The following TAFA5 variants were observed in gnomAD, a reference collection of about 807,000 sequenced individuals.
TAFA5 encodes TAFA chemokine like family member 5.
A neutral mutation model predicts 15.3 loss-of-function variants in TAFA5; 6 were observed. That is an observed-to-expected ratio of 0.39 (90% confidence interval 0.21 to 0.77). TAFA5 has a LOEUF of 0.77. Ranked by LOEUF, TAFA5 falls within the 30% of genes least tolerant of loss-of-function variation. The pLI, the probability that TAFA5 is intolerant of heterozygous loss-of-function variation, is 0.41. For missense variants in TAFA5, 161 were observed against 193.1 expected (o/e 0.83, Z 0.98); for synonymous variants, 103 against 80.7 (o/e 1.28, Z -1.48).
chr22:48,586,232 T>C (rs1396987711), intron 1 of TAFA5, among the ~76,000 whole-genome samples: 1 of 152,234 alleles, frequency 6.6e-6, no homozygotes, highest in Non-Finnish European at 1.5e-5. Flanking sequence ...GTGGCTCTCT[T>C]CTCTCTATGA....
chr22:48,592,252 C>T (rs1924596338), intron 1 of TAFA5, among the ~76,000 whole-genome samples: 1 of 152,212 alleles, frequency 6.6e-6, no homozygotes, highest in South Asian at 2.1e-4. Context: ...GTCCCCAACA[C>T]TGTACAGTGG....
intron 1 of TAFA5, among the ~76,000 whole-genome samples, chr22:48,562,385 G>C (rs898675247): frequency 1.3e-5 from 2 of 152,166 alleles, no homozygotes; most frequent in African/African-American, 4.8e-5. Context: ...CGATCTGCCT[G>C]CCTCGGCCTC....
intron 2 of TAFA5, among the ~76,000 whole-genome samples, chr22:48,705,752 G>A (rs1334365479): frequency 6.6e-6 from 1 of 152,248 alleles, no homozygotes; most frequent in Admixed American, 6.5e-5. Context: ...AAGCCAGCCC[G>A]CTGCCCGTCT....
chr22:48,521,950 G>C (rs1016983760), intron 1 of TAFA5, among the ~76,000 whole-genome samples: 1 of 152,164 alleles, frequency 6.6e-6, no homozygotes, highest in Admixed American at 6.5e-5. Context: ...GGGCTTAGAC[G>C]ACAAGGAGGA....
At chr22:48,590,185 C>T (rs1428750024) in intron 1 of TAFA5, among the ~76,000 whole-genome samples, 4 of 152,046 alleles carry the variant, frequency 2.6e-5, no homozygotes, top group South Asian at 2.1e-4. Context: ...GCCACGGAGG[C>T]GAGGGCCCTT....
chr22:48,567,270 C>T (rs1923438355), intron 1 of TAFA5, among the ~76,000 whole-genome samples: 1 of 152,240 alleles, frequency 6.6e-6, no homozygotes, highest in Non-Finnish European at 1.5e-5. Flanking sequence ...CCCGCCTGGC[C>T]TCCGGAAGGC....
chr22:48,584,774 TCA>T (rs1341316442), intron 1 of TAFA5, among the ~76,000 whole-genome samples: 9 of 135,028 alleles, frequency 6.7e-5, no homozygotes, highest in Admixed American at 3.7e-4. Context: ...ACCACACACA[TCA>T]CACACGCTAC....
At chr22:48,700,488 G>T (rs1204667600) in intron 2 of TAFA5, among the ~76,000 whole-genome samples, 1 of 152,152 alleles carries the variant, frequency 6.6e-6, no homozygotes, top group Non-Finnish European at 1.5e-5. Flanking sequence ...GCAGCCCTTT[G>T]ACCAAAGCCA....
intron 2 of TAFA5, among the ~76,000 whole-genome samples, chr22:48,693,703 C>G (rs954344897): frequency 6.6e-6 from 1 of 152,144 alleles, no homozygotes; most frequent in Non-Finnish European, 1.5e-5. Flanking sequence ...AGGCCTCATT[C>G]CTACTCTCTC....
At position 48,646,569 on chromosome 22, in the gene TAFA5, G is replaced by A. The variant is rs751116279; in HGVS notation, c.113-28G>A. On this transcript the variant is annotated intron_variant, in intron 1 of 3. Coordinates refer to ENST00000402357, the MANE Select transcript of TAFA5 (RefSeq NM_001082967.3). ...TGTGGGGTGTCTGTAACGTGTGGCC[G>A]CTCAGTCGCTTCTGCTCCTCTCTGC... 2.1e-5 allele frequency: 33 copies of A among 1,608,542 alleles called. No individual in the cohort carries two copies. The East Asian group carries it at 2.5e-4, about 12-fold the overall frequency.
At chr22:48,677,107 G>A (rs529133855) in intron 2 of TAFA5, among the ~76,000 whole-genome samples, 2 of 152,266 alleles carry the variant, frequency 1.3e-5, no homozygotes, top group Non-Finnish European at 2.9e-5. Context: ...CAATTATCTT[G>A]GACATTCTCT....
intron 3 of TAFA5, among the ~76,000 whole-genome samples, chr22:48,717,754 G>A (rs973696490): frequency 6.6e-6 from 1 of 152,216 alleles, no homozygotes; most frequent in African/African-American, 2.4e-5. Context: ...GCCACACGGG[G>A]GTGATCATCA....
intron 1 of TAFA5, among the ~76,000 whole-genome samples, chr22:48,582,054 C>T (rs187508122): frequency 8.5e-5 from 13 of 152,174 alleles, no homozygotes; most frequent in Admixed American, 6.5e-4. Context: ...CCATGGGACC[C>T]GGTAGCCTTT....
chr22:48,542,808 T>C (rs1922506455), intron 1 of TAFA5, among the ~76,000 whole-genome samples: 1 of 147,832 alleles, frequency 6.8e-6, no homozygotes, highest in Non-Finnish European at 1.5e-5. Flanking sequence ...CAGTGTGTGA[T>C]GTGTATGGTG....
chr22:48,563,452 G>T (rs1376448323), intron 1 of TAFA5, among the ~76,000 whole-genome samples: 1 of 152,212 alleles, frequency 6.6e-6, no homozygotes, highest in Non-Finnish European at 1.5e-5. Context: ...AGGTGGGGCT[G>T]GTGTTGGCCG....
Position 48,565,312 on chromosome 22 carries a change from G to A in TAFA5, c.112+75608G>A, listed in dbSNP as rs905219987. On this transcript the variant is annotated intron_variant, in intron 1 of 3. Transcript: ENST00000402357. Reference sequence around the variant, plus strand: ...GGGGATGGGAAGTGGCCCTCCTAGCGGTGGGTAGAGGAGTGGGAATGTAAA... The same window carrying A: ...GGGGATGGGAAGTGGCCCTCCTAGCAGTGGGTAGAGGAGTGGGAATGTAAA... Among the ~76,000 whole-genome samples the A allele has an allele frequency of 7.2e-5, 11 of 152,252 alleles. No individual in the cohort carries two copies. In the South Asian group the frequency reaches 8.3e-4, roughly 11 times the overall value.
chr22:48,526,136 A>G (rs976906647), intron 1 of TAFA5, among the ~76,000 whole-genome samples: 12 of 152,194 alleles, frequency 7.9e-5, no homozygotes, highest in Non-Finnish European at 1.3e-4. Flanking sequence ...GTGCATGCCC[A>G]TGGCCCTGCC....
intron 2 of TAFA5, among the ~76,000 whole-genome samples, chr22:48,665,777 G>A (rs1402418817): frequency 5.3e-5 from 8 of 152,078 alleles, no homozygotes; most frequent in African/African-American, 9.7e-5. Context: ...GCTGAAAGCC[G>A]GAGCTGAGAT....
At chr22:48,572,262 G>A (rs1413914550) in intron 1 of TAFA5, among the ~76,000 whole-genome samples, 2 of 152,200 alleles carry the variant, frequency 1.3e-5, no homozygotes, top group Non-Finnish European at 1.5e-5. Context: ...AGTGTGTGTA[G>A]TGACCGGTCA....
Sources: allele counts gnomAD v4.1 joint callset (sites outside exome capture counted in the v4.1 genomes callset), GRCh38; gene constraint gnomAD v4.1.1; transcripts MANE v1.5; gene names NCBI Gene and HGNC (gene_info 2026-07-23, HGNC 2026-07-21).